The following BCL6 variants were observed in gnomAD, a reference collection of about 807,000 sequenced individuals.
The protein encoded by BCL6 is BCL6 transcription repressor.
BCL6 carries 7 observed loss-of-function variants against 59.5 expected under a neutral mutation model. The observed-to-expected ratio is 0.12, with a 90% CI of 0.07 to 0.22. The LOEUF (loss-of-function observed/expected upper bound fraction) is 0.22, where lower values mean the gene tolerates loss of function less well. Ranked by LOEUF, BCL6 falls within the 10% of genes least tolerant of loss-of-function variation. The pLI, the probability that BCL6 is intolerant of heterozygous loss-of-function variation, is 1.00. For synonymous variants in BCL6, 339 were observed against 349.7 expected (o/e 0.97, Z 0.34); for missense variants, 685 against 939.4 (o/e 0.73, Z 3.54).
rs376224137 is a variant in BCL6 at position 187,723,199 on chromosome 3, A to G, written c.1978-598T>C. On this transcript the variant is annotated intron_variant, in intron 9 of 9. Transcript: ENST00000406870. ...TGGAGTCTAGGGTAAATTTTTTTAA[A>G]TGCAGTTATATTCTTTCCTAGGGTA... is the stretch of plus-strand genomic sequence containing the variant. 1.1e-3 allele frequency among the ~76,000 whole-genome samples: 170 copies of G among 152,352 alleles called. 2 individuals are homozygous for G. Among genetic ancestry groups the G allele is most frequent in the African/African-American group, 3.9e-3 (161 of 41,576 alleles).
chr3:187,732,304 T>C, intron 3 of BCL6: 1 of 392,734 alleles, frequency 2.5e-6, no homozygotes, highest in South Asian at 2.0e-5. Context: ...TAGTCTACCT[T>C]TGTCATAAGC....
At chr3:187,736,507 T>G (rs1719289510) in intron 1 of BCL6, 1 of 152,208 alleles carries the variant, frequency 6.6e-6, no homozygotes, top group African/African-American at 2.4e-5. Context: ...CTTGTGGATT[T>G]CCAGTCGCAG....
intron 1 of BCL6, chr3:187,737,084 T>A (rs998512601): frequency 6.6e-6 from 1 of 152,152 alleles, no homozygotes; most frequent in Admixed American, 6.6e-5. Context: ...GGGCTGTCAA[T>A]GAGAAACTGA....
At chr3:187,741,969 C>G (rs564939604) in intron 1 of BCL6, among the ~76,000 whole-genome samples, 100 of 151,590 alleles carry the variant, frequency 6.6e-4, no homozygotes, top group African/African-American at 2.4e-3. Context: ...ACCAGGCACC[C>G]TCCCCCCACC....
intron 1 of BCL6, among the ~76,000 whole-genome samples, chr3:187,743,618 C>T (rs1168832454): frequency 6.6e-6 from 1 of 152,064 alleles, no homozygotes; most frequent in Non-Finnish European, 1.5e-5. Flanking sequence ...CATTTTTCGC[C>T]AGGGTTCCAA....
intron 2 of BCL6, chr3:187,734,406 G>A (rs1719190653): frequency 1.3e-5 from 2 of 152,634 alleles, no homozygotes; most frequent in African/African-American, 2.4e-5. Flanking sequence ...ACTTTAAGCA[G>A]GTTGTTTACT....
At chr3:187,731,610 C>T (rs560575937) in intron 4 of BCL6, 99 bp downstream of exon 4, 11 of 1,166,372 alleles carry the variant, frequency 9.4e-6, no homozygotes, top group African/African-American at 4.5e-5. Context: ...TGCAGCATAT[C>T]ATAGAGGAGT....
chr3:187,744,657 T>G (rs569509251), intron 1 of BCL6, among the ~76,000 whole-genome samples: 1 of 152,114 alleles, frequency 6.6e-6, no homozygotes, highest in South Asian at 2.1e-4. Context: ...GCAGGGAATC[T>G]AAAAGACCGA....
At chr3:187,733,807 C>A (rs776400460) in intron 2 of BCL6, 104 bp from the exon 3 acceptor site, 5 of 1,182,946 alleles carry the variant, frequency 4.2e-6, no homozygotes, top group Non-Finnish European at 6.1e-6. Flanking sequence ...CAGAATGCAA[C>A]TCAGGTCCCT....
At chr3:187,730,799 T>C (rs1006611136) in intron 4 of BCL6, among the ~76,000 whole-genome samples, 1 of 152,154 alleles carries the variant, frequency 6.6e-6, no homozygotes, top group Non-Finnish European at 1.5e-5. Flanking sequence ...ATCATGTGGG[T>C]GAAATAAATA....
intron 1 of BCL6, among the ~76,000 whole-genome samples, chr3:187,744,999 T>C (rs1231986204): frequency 6.6e-6 from 1 of 151,776 alleles, no homozygotes; most frequent in Admixed American, 6.6e-5. Flanking sequence ...TCTCGTCCTC[T>C]CTGCTCCGGC....
intron 1 of BCL6, among the ~76,000 whole-genome samples, chr3:187,745,065 A>C (rs568421067): frequency 6.6e-6 from 1 of 151,700 alleles, no homozygotes; most frequent in African/African-American, 2.4e-5. Context: ...AACCAAAACA[A>C]CACAAGGGAG....
At position 187,729,423 on chromosome 3, in the gene BCL6, G is replaced by A; in HGVS notation, c.982C>T (p.Leu328=). 6.2e-7 allele frequency: 1 copy of A among 1,611,336 alleles called. No individual in the cohort carries two copies. Among genetic ancestry groups the A allele is most frequent in the Non-Finnish European group, 8.5e-7 (1 of 1,178,500 alleles). The change falls in exon 5 of 10, where the codon CTG becomes TTG. Residue 328 remains leucine, a synonymous_variant. Coordinates refer to ENST00000406870, the MANE Select transcript of BCL6 (RefSeq NM_001706.5). This position sits in a 1 kb window ranked among gnomAD's most constrained non-coding sequence, Gnocchi z 5.6. The stretch of plus-strand genomic sequence containing the variant: ...TTCTGGGGGCTCTGTGGACTAACCA[G>A]ACCCTTCCGGTTCAGGGGTGCATTG... ...PPNAPLNRKG[L]VSPQSPQKSD...
At chr3:187,743,723 G>GCCC (rs57640625) in intron 1 of BCL6, among the ~76,000 whole-genome samples, 7 of 144,832 alleles carry the variant, frequency 4.8e-5, no homozygotes, top group African/African-American at 1.8e-4. Context: ...AGCTCCTGCT[G>GCCC]CCCCCCCGCC....
At chr3:187,741,759 C>G (rs920097083) in intron 1 of BCL6, among the ~76,000 whole-genome samples, 1 of 152,206 alleles carries the variant, frequency 6.6e-6, no homozygotes, top group Non-Finnish European at 1.5e-5. Context: ...CATCCACAAA[C>G]CTCCTCAACA....
intron 1 of BCL6, among the ~76,000 whole-genome samples, chr3:187,739,703 A>G (rs1046117369): frequency 5.3e-5 from 8 of 152,194 alleles, no homozygotes; most frequent in Non-Finnish European, 1.5e-5. Flanking sequence ...ACAGCCTTCC[A>G]GAAGGGCCCG....
chr3:187,730,057 A>T (rs762255396), intron 4 of BCL6, 36 bp from the exon 5 acceptor site: 2 of 1,523,348 alleles, frequency 1.3e-6, no homozygotes, highest in Non-Finnish European at 1.8e-6. Context: ...CACCGGCCCC[A>T]AATCAGAACT....
chr3:187,723,162 T>G (rs1431906958), intron 9 of BCL6, among the ~76,000 whole-genome samples: 1 of 152,248 alleles, frequency 6.6e-6, no homozygotes, highest in Non-Finnish European at 1.5e-5. Flanking sequence ...CAGTCTGAAT[T>G]CACGGAAATT....
At chr3:187,723,689 C>A (rs1270705615) in intron 9 of BCL6, among the ~76,000 whole-genome samples, 1 of 152,170 alleles carries the variant, frequency 6.6e-6, no homozygotes, top group Non-Finnish European at 1.5e-5. Flanking sequence ...TGTAAACTCT[C>A]TGGTCTTGGG....
Sources: allele counts gnomAD v4.1 joint callset (sites outside exome capture counted in the v4.1 genomes callset), GRCh38; gene constraint gnomAD v4.1.1; non-coding constraint Gnocchi (gnomAD v3.1); transcripts MANE v1.5; gene names NCBI Gene and HGNC (gene_info 2026-07-23, HGNC 2026-07-21).